The following ERC1 variants were observed in gnomAD, a reference collection of about 807,000 sequenced individuals.
The protein encoded by ERC1 is ELKS/RAB6-interacting/CAST family member 1.
Under a neutral mutation model 132.0 loss-of-function variants are expected in ERC1, and 56 were observed. That is an observed-to-expected ratio of 0.42 (90% CI 0.34 to 0.53). The LOEUF (loss-of-function observed/expected upper bound fraction) is 0.53, where lower values mean the gene tolerates loss of function less well. ERC1 is among the 20% of genes least tolerant of loss of function. ERC1 has a pLI of 0.03. For missense variants in ERC1, 1,202 were observed against 1,349.9 expected, an observed-to-expected ratio of 0.89 and a Z score of 1.72; for synonymous variants, 478 against 476.1, an observed-to-expected ratio of 1.00 and a Z score of -0.05.
At chr12:1,180,456 T>C in intron 8 of ERC1, 84 bp from the exon 9 acceptor site, 1 of 1,308,056 alleles carries the variant, frequency 7.6e-7, no homozygotes, top group East Asian at 2.4e-5. Flanking sequence ...GAGCTATCTG[T>C]TTTCAAATTG....
At chr12:1,196,905 TACACACACAC>T (rs766381798) in intron 12 of ERC1, among the ~76,000 whole-genome samples, 1,545 of 57,662 alleles carry the variant, frequency 0.027, 80 homozygotes, top group South Asian at 0.071. Context: ...TCTGTCTCTC[TACACACACAC>T]ACACACACAC....
rs573363202 is a variant in ERC1 at position 1,039,337 on chromosome 12, C to CAA, written c.669+10779_669+10780dup. On this transcript the variant is annotated intron_variant, in intron 2 of 18. Coordinates refer to ENST00000360905, the MANE Select transcript of ERC1 (RefSeq NM_178040.4). ...TGGGTGACAGAGCGAGACGTTGTCTCAAAAAAAAAAAAAAATAAAAATAAA... is the reference window on the plus strand; with the variant it reads ...TGGGTGACAGAGCGAGACGTTGTCTCAAAAAAAAAAAAAAAAATAAAAATAAA... Among the ~76,000 whole-genome samples, 848 of 113,082 alleles carry CAA rather than the reference C, an allele frequency of 7.5e-3. 9 individuals carry two copies. Among genetic ancestry groups the CAA allele is most frequent in the African/African-American group, 0.025 (801 of 32,156 alleles). The allele number at this position is 113,082 out of a possible 152,430, so 74.2% of individuals were successfully genotyped here.
chr12:1,216,708 G>A (rs904705033), intron 12 of ERC1, among the ~76,000 whole-genome samples: 1 of 152,022 alleles, frequency 6.6e-6, no homozygotes, highest in Admixed American at 6.6e-5. Flanking sequence ...GAAATAAAAG[G>A]CCATATTGTC....
intron 7 of ERC1, among the ~76,000 whole-genome samples, chr12:1,135,899 A>C (rs1949202175): frequency 6.6e-6 from 1 of 152,182 alleles, no homozygotes; most frequent in Non-Finnish European, 1.5e-5. Context: ...AGAGTAAAAC[A>C]GTTAGGTTTT....
At chr12:1,384,281 T>A (rs934237373) in intron 16 of ERC1, among the ~76,000 whole-genome samples, 1 of 152,272 alleles carries the variant, frequency 6.6e-6, no homozygotes, top group East Asian at 1.9e-4. Context: ...AAAAGATGTC[T>A]TCTAATTTTA....
intron 1 of ERC1, among the ~76,000 whole-genome samples, chr12:1,007,568 G>GTGTGTGTA (rs1963951168): frequency 6.9e-6 from 1 of 143,898 alleles, no homozygotes; most frequent in African/African-American, 2.5e-5. Context: ...GTGTGTGTGT[G>GTGTGTGTA]TACACACTTT....
At chr12:1,261,690 T>C (rs2077156088) in intron 13 of ERC1, among the ~76,000 whole-genome samples, 1 of 151,786 alleles carries the variant, frequency 6.6e-6, no homozygotes, top group South Asian at 2.1e-4. Flanking sequence ...TGTTTTGTTT[T>C]GTTTGATACA....
At chr12:1,487,942 T>C (rs1386942280) in intron 18 of ERC1, among the ~76,000 whole-genome samples, 1 of 151,056 alleles carries the variant, frequency 6.6e-6, no homozygotes, top group Non-Finnish European at 1.5e-5. Flanking sequence ...ATCTAGACCA[T>C]TCTGGCTAAC....
intron 1 of ERC1, among the ~76,000 whole-genome samples, chr12:1,004,294 G>A (rs180783959): frequency 1.9e-4 from 29 of 151,298 alleles, no homozygotes; most frequent in Admixed American, 1.6e-3. Context: ...AGTGTGTTTC[G>A]TATCTATTGG....
At chr12:1,402,236 TTGAAAA>T (rs1470692519) in intron 16 of ERC1, among the ~76,000 whole-genome samples, 2 of 152,044 alleles carry the variant, frequency 1.3e-5, no homozygotes, top group African/African-American at 4.8e-5. Context: ...ATATATAAAA[TTGAAAA>T]TGAAAAGGCT....
chr12:1,136,201 T>C (rs1267131888), intron 7 of ERC1, among the ~76,000 whole-genome samples: 2 of 152,348 alleles, frequency 1.3e-5, no homozygotes, highest in Admixed American at 1.3e-4. Flanking sequence ...TGTCTTCTGC[T>C]GCACCTCACA....
chr12:1,236,201 C>T (rs1234479038), intron 12 of ERC1, among the ~76,000 whole-genome samples: 4 of 151,990 alleles, frequency 2.6e-5, no homozygotes, highest in African/African-American at 4.8e-5. Context: ...ATAGGTTGTT[C>T]TTATTAATGG....
chr12:1,412,837 G>A (rs141567425), intron 17 of ERC1, among the ~76,000 whole-genome samples: 161 of 152,244 alleles, frequency 1.1e-3, no homozygotes, highest in Middle Eastern at 6.8e-3. Context: ...TGCTGTTGCC[G>A]TTGTCATCAT....
At chr12:1,333,698 G>T (rs1308677914) in intron 15 of ERC1, among the ~76,000 whole-genome samples, 1 of 152,138 alleles carries the variant, frequency 6.6e-6, no homozygotes, top group East Asian at 1.9e-4. Context: ...ATTGTTAATA[G>T]CACTGCAGTG....
At chr12:1,305,363 A>C (rs2154347250) in intron 15 of ERC1, among the ~76,000 whole-genome samples, 1 of 152,298 alleles carries the variant, frequency 6.6e-6, no homozygotes, top group Non-Finnish European at 1.5e-5. Context: ...AAGTTTTTCT[A>C]AAGGTCTCTA....
At chr12:1,341,013 CAT>C (rs1177655592) in intron 15 of ERC1, among the ~76,000 whole-genome samples, 2 of 140,410 alleles carry the variant, frequency 1.4e-5, no homozygotes, top group African/African-American at 5.2e-5. Flanking sequence ...TGGTTTAAAA[CAT>C]AGAATATTAA....
At chr12:1,435,699 G>A (rs1387930357) in intron 17 of ERC1, among the ~76,000 whole-genome samples, 1 of 152,112 alleles carries the variant, frequency 6.6e-6, no homozygotes, top group Non-Finnish European at 1.5e-5. Flanking sequence ...TCGTGCCCCC[G>A]TGCATTCTTA....
At chr12:1,167,908 G>C (rs1216883739) in intron 8 of ERC1, among the ~76,000 whole-genome samples, 1 of 151,830 alleles carries the variant, frequency 6.6e-6, no homozygotes, top group Non-Finnish European at 1.5e-5. Context: ...TGCAGACGGG[G>C]TTTCAGCATG....
chr12:1,304,946 C>T (rs892181509), intron 15 of ERC1, among the ~76,000 whole-genome samples: 2 of 151,578 alleles, frequency 1.3e-5, no homozygotes, highest in South Asian at 2.1e-4. Context: ...CCCGCCCCCA[C>T]GCCCGGCTAA....
Sources: allele counts gnomAD v4.1 joint callset (sites outside exome capture counted in the v4.1 genomes callset), GRCh38; gene constraint gnomAD v4.1.1; transcripts MANE v1.5; gene names NCBI Gene and HGNC (gene_info 2026-07-23, HGNC 2026-07-21).